The following NYAP2 variants were observed in gnomAD, a reference collection of about 807,000 sequenced individuals.
NYAP2 encodes neuronal tyrosine-phosphorylated phosphoinositide-3-kinase adapter 2.
NYAP2 carries 23 observed loss-of-function variants against 50.4 expected under a neutral mutation model. The ratio of observed to expected loss-of-function variants is 0.46; its 90% CI spans 0.33 to 0.65. NYAP2 has a LOEUF of 0.65. Ranked by LOEUF, NYAP2 falls within the 30% of genes least tolerant of loss-of-function variation. The pLI, the probability that NYAP2 is intolerant of heterozygous loss-of-function variation, is 0.02. For synonymous variants in NYAP2, 394 were observed against 365.2 expected (o/e 1.08, Z -0.90); for missense variants, 885 against 861.0 (o/e 1.03, Z -0.35).
intron 3 of NYAP2, among the ~76,000 whole-genome samples, chr2:225,428,861 A>G (rs1322169019): frequency 6.6e-6 from 1 of 152,238 alleles, no homozygotes; most frequent in Non-Finnish European, 1.5e-5. Flanking sequence ...GTTTTTAAAA[A>G]TTTGCATTAT....
chr2:225,426,231 G>A (rs1348754644), intron 3 of NYAP2, among the ~76,000 whole-genome samples: 1 of 151,514 alleles, frequency 6.6e-6, no homozygotes, highest in Non-Finnish European at 1.5e-5. Context: ...TTCCTTCCAA[G>A]CCACATTTTA....
Position 225,582,852 on chromosome 2 carries a change from C to T in NYAP2, c.1435C>T (p.Pro479Ser), listed in dbSNP as rs1186307505. The T allele has an allele frequency of 6.2e-7, 1 of 1,613,832 alleles. No individual in the cohort carries two copies. The highest frequency in any genetic ancestry group is 1.1e-5 in the South Asian group (1 of 91,074). The change falls in exon 5 of 7, where the codon CCC becomes TCC. Residue 479 changes from proline to serine, a missense_variant. Pro to Ser is a moderately conservative substitution (Grantham distance 74). Coordinates refer to ENST00000636099, the Ensembl canonical transcript of NYAP2. This position sits in a 1 kb window ranked among gnomAD's most constrained non-coding sequence, Gnocchi z 7.0. The stretch of plus-strand genomic sequence containing the variant: ...TTCAGTGCCTCACTCGACCCCCAGA[C>T]CCGTGTCGCAAGATGGGGCCAAGAT...
At chr2:225,521,004 G>A (rs1306017075) in intron 4 of NYAP2, among the ~76,000 whole-genome samples, 20 of 147,476 alleles carry the variant, frequency 1.4e-4, no homozygotes, top group South Asian at 4.3e-4. Flanking sequence ...TTGTAAGTTG[G>A]ATTCCTAGGT....
rs568112548 is a variant in NYAP2 at position 225,549,988 on chromosome 2, A to T, written c.524-31953A>T. Among the ~76,000 whole-genome samples, 88 of 152,084 alleles carry T rather than the reference A, an allele frequency of 5.8e-4. 1 individual carries two copies. Among genetic ancestry groups the T allele is most frequent in the African/African-American group, 2.0e-3 (82 of 41,496 alleles). On this transcript the variant is annotated intron_variant, in intron 4 of 6. Coordinates refer to ENST00000636099, the Ensembl canonical transcript of NYAP2. The stretch of plus-strand genomic sequence containing the variant: ...CAACAGAGTGAGACTCTGTCTCAAA[A>T]AAATAAATAAATAAATAAATAAAAA...
the NYAP2 span, chr2:225,702,074 T>C: frequency 6.6e-6 from 1 of 151,736 alleles, no homozygotes; most frequent in Admixed American, 6.6e-5. Flanking sequence ...TACACTCACA[T>C]GTGAAATTAA....
intron 4 of NYAP2, among the ~76,000 whole-genome samples, chr2:225,551,986 T>C (rs1691686649): frequency 6.6e-6 from 1 of 152,148 alleles, no homozygotes; most frequent in South Asian, 2.1e-4. Context: ...CTAATATTTG[T>C]ATTTTTAGTA....
chr2:225,452,052 G>T (rs1689662854), intron 3 of NYAP2, among the ~76,000 whole-genome samples: 3 of 152,172 alleles, frequency 2.0e-5, no homozygotes, highest in Middle Eastern at 6.8e-3. Context: ...ATTCTTAAAA[G>T]ATGCTTAACA....
At chr2:225,647,968 A>G (rs1434890651) in intron 6 of NYAP2, among the ~76,000 whole-genome samples, 9 of 67,194 alleles carry the variant, frequency 1.3e-4, no homozygotes, top group Non-Finnish European at 5.6e-5. Context: ...GTGTGTGCAT[A>G]CATATGTGTG....
chr2:225,401,898 T>C (rs1356837546), intron 2 of NYAP2, among the ~76,000 whole-genome samples: 1 of 152,050 alleles, frequency 6.6e-6, no homozygotes. Context: ...GATGTAGTTT[T>C]AGTCATTTTA....
At chr2:225,524,382 C>T (rs1439572975) in intron 4 of NYAP2, among the ~76,000 whole-genome samples, 1 of 152,288 alleles carries the variant, frequency 6.6e-6, no homozygotes, top group East Asian at 1.9e-4. Context: ...TGCTTTTATT[C>T]TAGCCATACT....
chr2:225,702,168 A>C, the NYAP2 span: 1 of 151,764 alleles, frequency 6.6e-6, no homozygotes, highest in African/African-American at 2.4e-5. Context: ...TAGAATAGAT[A>C]GCAATTCACA....
At position 225,590,901 on chromosome 2, in the gene NYAP2, C is replaced by T. The variant is rs567466457; in HGVS notation, c.1618+7866C>T. Among the ~76,000 whole-genome samples, 18 of 152,336 alleles carry T rather than the reference C, an allele frequency of 1.2e-4. No individual in the cohort carries two copies. In the South Asian group the frequency reaches 3.7e-3, roughly 32 times the overall value. ...GCATCTATCCTTGTCTTAGCATCTC[C>T]ATCTTAGCTGTGCCGAGTGTGTGCC... On this transcript the variant is annotated intron_variant, in intron 5 of 6. Coordinates refer to ENST00000636099, the Ensembl canonical transcript of NYAP2.
At chr2:225,400,074 C>A (rs1184302177) in exon 1 of NYAP2, 2 of 152,008 alleles carry the variant, frequency 1.3e-5, no homozygotes, top group Non-Finnish European at 2.9e-5. Flanking sequence ...CCCCAGGGAG[C>A]CGAAATCCAA....
At chr2:225,699,098 A>G in the NYAP2 span, 1 of 151,920 alleles carries the variant, frequency 6.6e-6, no homozygotes, top group Non-Finnish European at 1.5e-5. Context: ...TTGACAGGAA[A>G]TGAATGCAAA....
intron 3 of NYAP2, among the ~76,000 whole-genome samples, chr2:225,450,259 T>C (rs1689629441): frequency 6.6e-6 from 1 of 152,088 alleles, no homozygotes; most frequent in Non-Finnish European, 1.5e-5. Flanking sequence ...AAATGCAATT[T>C]CAGTAGAAAA....
At chr2:225,502,246 G>A (rs1488131819) in intron 3 of NYAP2, among the ~76,000 whole-genome samples, 1 of 151,968 alleles carries the variant, frequency 6.6e-6, no homozygotes, top group South Asian at 2.1e-4. Context: ...AAAGCCGAGC[G>A]GTAGAGATGG....
intron 5 of NYAP2, among the ~76,000 whole-genome samples, chr2:225,624,356 G>A (rs941323191): frequency 3.3e-5 from 5 of 152,180 alleles, no homozygotes; most frequent in Admixed American, 1.3e-4. Context: ...CTAGAAACGG[G>A]GCATTCTATG....
the NYAP2 span, among the ~76,000 whole-genome samples, chr2:225,695,388 TAAAG>T: frequency 1.3e-5 from 2 of 152,034 alleles, no homozygotes; most frequent in Admixed American, 6.6e-5. Context: ...TATTGGGACT[TAAAG>T]AAGTTTGGAG....
At chr2:225,419,122 G>T (rs1287390346) in intron 3 of NYAP2, among the ~76,000 whole-genome samples, 3 of 152,186 alleles carry the variant, frequency 2.0e-5, no homozygotes, top group Non-Finnish European at 4.4e-5. Context: ...CGGCGATACT[G>T]ATTCTAAGAG....
Sources: gnomAD v4.1 joint callset for allele counts (sites outside exome capture counted in the v4.1 genomes callset) on GRCh38, gnomAD v4.1.1 for gene constraint, Gnocchi (gnomAD v3.1) non-coding constraint, MANE v1.5 for transcripts, NCBI Gene and HGNC (gene_info 2026-07-23, HGNC 2026-07-21) for gene names.